Variants in DNAH9 observed in about 807,000 individuals in gnomAD.
DNAH9 encodes the protein dynein axonemal heavy chain 9.
DNAH9 carries 345 observed loss-of-function variants against 471.6 expected under a neutral mutation model. That is an observed-to-expected ratio of 0.73 (90% CI 0.67 to 0.80). DNAH9 has a LOEUF of 0.80. Among genes scored for constraint, DNAH9 ranks in the 30% least tolerant of loss-of-function variants. DNAH9 has a pLI of 0.00. For synonymous variants in DNAH9, 2,093 were observed against 2,123.6 expected (o/e 0.99, Z 0.40); for missense variants, 5,407 against 5,609.2 (o/e 0.96, Z 1.15).
intron 40 of DNAH9, among the ~76,000 whole-genome samples, chr17:11,784,083 C>T (rs1484209023): frequency 6.6e-6 from 1 of 152,130 alleles, no homozygotes; most frequent in African/African-American, 2.4e-5. Context: ...AGTTCTCTTC[C>T]TACTGCCCCA....
intron 62 of DNAH9, chr17:11,925,151 A>C: frequency 2.2e-6 from 1 of 455,038 alleles, no homozygotes; most frequent in Non-Finnish European, 4.4e-6. Context: ...TCTCCACCAA[A>C]TTTTTTAGGT....
chr17:11,884,585 G>C (rs1567874936), intron 56 of DNAH9: 1 of 456,114 alleles, frequency 2.2e-6, no homozygotes, highest in Admixed American at 2.3e-5. Context: ...GTAGAGACAA[G>C]GTAGGAAATA....
chr17:11,620,510 TC>T (rs1295502555), intron 6 of DNAH9, among the ~76,000 whole-genome samples: 4 of 24,704 alleles, frequency 1.6e-4, no homozygotes, highest in African/African-American at 5.0e-4. Context: ...AGACTCTGTC[TC>T]AAAAAAAAAA....
chr17:11,646,960 C>A, intron 11 of DNAH9, 112 bp from the exon 12 acceptor site: 4 of 1,074,208 alleles, frequency 3.7e-6, no homozygotes, highest in South Asian at 3.4e-5. Context: ...GCTGACCCAG[C>A]CTGGTTGGGT....
In DNAH9 at chr17:11,737,048, T is replaced by C. The variant is rs1401173801; in HGVS notation, c.5815-1832T>C. On this transcript the variant is annotated intron_variant, in intron 28 of 68. Transcript: ENST00000262442. Reference sequence around the variant, plus strand: ...GCTGCAAGAGGCTCCATGGCAGAGCTGGGCTGGGCTGTGAGCCCCACGCAA... The same window carrying C: ...GCTGCAAGAGGCTCCATGGCAGAGCCGGGCTGGGCTGTGAGCCCCACGCAA... Among the ~76,000 whole-genome samples, 10 of 152,338 alleles carry C rather than the reference T, an allele frequency of 6.6e-5. 1 individual carries two copies. The South Asian group carries it at 8.3e-4, about 13-fold the overall frequency.
intron 45 of DNAH9, among the ~76,000 whole-genome samples, chr17:11,820,069 G>C (rs1274106029): frequency 1.3e-5 from 2 of 152,250 alleles, no homozygotes; most frequent in East Asian, 3.9e-4. Flanking sequence ...TATGTTTGCT[G>C]TGGGTTTGGG....
At chr17:11,694,493 G>T in intron 22 of DNAH9, 46 bp downstream of exon 22, 2 of 1,609,242 alleles carry the variant, frequency 1.2e-6, no homozygotes, top group Non-Finnish European at 1.7e-6. Context: ...GGGCTGAGGG[G>T]TGCCCAGCAG....
chr17:11,679,834 G>C lies in DNAH9; in HGVS notation c.3431G>C (p.Gly1144Ala). ...LKKVEKGDFQ[G>A]LVEIMGHLMA... ...AAAGTTGAAAAAGGAGATTTCCAAG[G>C]CTTGGTTGAGATCATGGGACACCTT... is the stretch of plus-strand genomic sequence containing the variant. The change falls in exon 18 of 69, where the codon GGC becomes GCC. Residue 1144 changes from glycine (G) to alanine (A), a missense_variant. Physicochemically the swap from Gly to Ala is moderately conservative, Grantham distance 60. This residue lies in a region of DNAH9 where 4,636 missense variants were observed against 4,900.3 expected (regional missense o/e 0.95). Transcript: ENST00000262442. 2.5e-6 allele frequency: 4 copies of C among 1,614,112 alleles called. No individual in the cohort carries two copies. Among genetic ancestry groups the C allele is most frequent in the Non-Finnish European group, 3.4e-6 (4 of 1,180,008 alleles).
chr17:11,654,051 T>A (rs532768482), intron 14 of DNAH9, among the ~76,000 whole-genome samples: 1 of 146,222 alleles, frequency 6.8e-6, no homozygotes, highest in East Asian at 2.0e-4. Context: ...TACTTAAGAT[T>A]TTAAAAGTTT....
chr17:11,799,831 C>T (rs541118714), intron 43 of DNAH9, among the ~76,000 whole-genome samples: 5 of 152,282 alleles, frequency 3.3e-5, no homozygotes, highest in South Asian at 2.1e-4. Flanking sequence ...GTGATCCACC[C>T]GCCTTGGACT....
chr17:11,650,569 A>G (rs1413834021), intron 12 of DNAH9, among the ~76,000 whole-genome samples: 3 of 152,210 alleles, frequency 2.0e-5, no homozygotes, highest in African/African-American at 4.8e-5. Context: ...TTGAATAACT[A>G]AAGTTTTATT....
Position 11,690,358 on chromosome 17 carries a change from G to T in DNAH9, c.4536G>T (p.Trp1512Cys), listed in dbSNP as rs757262648. The change falls in exon 20 of 69, where the codon TGG (tryptophan) becomes TGT (cysteine). Residue 1512 changes from tryptophan to cysteine, a missense_variant. Trp to Cys is a radical substitution (Grantham distance 215). This residue lies in a region of DNAH9 where 4,636 missense variants were observed against 4,900.3 expected (regional missense o/e 0.95). Transcript: ENST00000262442. ...CAGTGGACGCTGTCATCTCTATCTG[G>T]TTTGAAGTGCAGCGAACATGGACTC... ...LSTVDAVISI[W>C]FEVQRTWTHL... The T allele has an allele frequency of 1.2e-6, 2 of 1,614,180 alleles. No individual in the cohort carries two copies. Among genetic ancestry groups the T allele is most frequent in the South Asian group, 2.2e-5 (2 of 91,086 alleles).
chr17:11,599,578 C>G (rs1293919067), intron 1 of DNAH9, among the ~76,000 whole-genome samples: 4 of 152,180 alleles, frequency 2.6e-5, no homozygotes, highest in African/African-American at 9.7e-5. Context: ...CTGCCTGAAG[C>G]TCAGGGAGGA....
At chr17:11,843,922 CAT>C (rs1256038116) in intron 49 of DNAH9, among the ~76,000 whole-genome samples, 3 of 118,480 alleles carry the variant, frequency 2.5e-5, no homozygotes, top group Non-Finnish European at 5.2e-5. Context: ...AATAGAGAGA[CAT>C]AAAAAAGAAA....
At position 11,636,683 on chromosome 17, in the gene DNAH9, A is replaced by G; in HGVS notation, c.1685A>G (p.Asp562Gly). ...NLLERPLVAR[D>G]TSDKYLVLIQ... ...CTTGAAAGACCGCTGGTAGCGAGGG[A>G]TACATCTGATAAATACCTGGTCCTC... The change falls in exon 9 of 69, where the codon GAT (aspartate) becomes GGT (glycine). Residue 562 changes from aspartate (D) to glycine (G), a missense_variant. Asp to Gly is a moderately conservative substitution (Grantham distance 94). Coordinates refer to ENST00000262442, the MANE Select transcript of DNAH9 (RefSeq NM_001372.4). 1 of 1,613,702 alleles carries G rather than the reference A, an allele frequency of 6.2e-7. No individual in the cohort carries two copies. The highest frequency in any genetic ancestry group is 8.5e-7 in the Non-Finnish European group (1 of 1,179,580).
intron 50 of DNAH9, among the ~76,000 whole-genome samples, chr17:11,862,490 CTTGGCGATGCGGGCTCTTTT>C (rs1971894337): frequency 7.4e-6 from 1 of 134,934 alleles, no homozygotes; most frequent in Non-Finnish European, 1.6e-5. Context: ...TTAGGATTGA[CTTGGCGATGCGGGCTCTTTT>C]TTGGTTCCAT....
intron 49 of DNAH9, among the ~76,000 whole-genome samples, chr17:11,840,427 G>A (rs994409786): frequency 6.6e-6 from 1 of 152,026 alleles, no homozygotes; most frequent in African/African-American, 2.4e-5. Flanking sequence ...CTATTTTTGA[G>A]CATTTAGTTT....
chr17:11,681,498 A>G (rs2074132465), intron 19 of DNAH9, among the ~76,000 whole-genome samples: 1 of 152,170 alleles, frequency 6.6e-6, no homozygotes, highest in South Asian at 2.1e-4. Flanking sequence ...CTTCTGGTCC[A>G]CTGCTCAGCA....
At chr17:11,751,367 C>T (rs1306542022) in intron 32 of DNAH9, among the ~76,000 whole-genome samples, 1 of 151,860 alleles carries the variant, frequency 6.6e-6, no homozygotes, top group African/African-American at 2.4e-5. Context: ...AATAAAATAT[C>T]AGTAAGGAGA....
Sources: gnomAD v4.1 joint callset for allele counts (sites outside exome capture counted in the v4.1 genomes callset) on GRCh38, gnomAD v4.1.1 for gene constraint, gnomAD v4.1.1 regional missense constraint, MANE v1.5 for transcripts, NCBI Gene and HGNC (gene_info 2026-07-23, HGNC 2026-07-21) for gene names.